The following WNK2 variants were observed in gnomAD, a reference collection of about 807,000 sequenced individuals.
The protein encoded by WNK2 is serine/threonine-protein kinase WNK2.
WNK2 carries 67 observed loss-of-function variants against 192.1 expected under a neutral mutation model. The observed-to-expected ratio is 0.35, with a 90% confidence interval of 0.29 to 0.43. WNK2 has a LOEUF of 0.43. WNK2 is among the 20% of genes least tolerant of loss of function. The pLI is 1.00. For missense variants in WNK2, 2,698 were observed against 3,089.7 expected, an observed-to-expected ratio of 0.87 and a Z score of 3.01; for synonymous variants, 1,439 against 1,393.9, an observed-to-expected ratio of 1.03 and a Z score of -0.72.
At chr9:93,309,871 C>T (rs569858565) in intron 28 of WNK2, among the ~76,000 whole-genome samples, 2 of 152,256 alleles carry the variant, frequency 1.3e-5, no homozygotes, top group African/African-American at 4.8e-5. Flanking sequence ...TAGCTGCATC[C>T]CAAAAGTATG....
At chr9:93,319,577 A>T (rs1373769886) in intron 29 of WNK2, among the ~76,000 whole-genome samples, 1 of 152,254 alleles carries the variant, frequency 6.6e-6, no homozygotes, top group Non-Finnish European at 1.5e-5. Flanking sequence ...TCAGCGAGAC[A>T]CACCTGCAGC....
intron 19 of WNK2, among the ~76,000 whole-genome samples, chr9:93,270,477 T>C (rs1845854710): frequency 6.6e-6 from 1 of 152,238 alleles, no homozygotes; most frequent in Non-Finnish European, 1.5e-5. Flanking sequence ...GTCTGAGTAC[T>C]TGGGAAAATT....
At chr9:93,237,749 T>A (rs1011459757) in intron 5 of WNK2, among the ~76,000 whole-genome samples, 1 of 152,200 alleles carries the variant, frequency 6.6e-6, no homozygotes, top group African/African-American at 2.4e-5. Flanking sequence ...TGCCTGCAGC[T>A]CCCTGTGGTT....
In WNK2 at chr9:93,293,185, G is replaced by T; in HGVS notation, c.5708+12G>T. The stretch of plus-strand genomic sequence containing the variant: ...AGTCTGCGGGAGAAGTAGGTCCTGC[G>T]GGCAGGAAGTGTTGCCCCCGCCCCT... On this transcript the variant is annotated intron_variant, in intron 23 of 29. Coordinates refer to ENST00000427277, the MANE Select transcript of WNK2 (RefSeq NM_006648.4). The T allele has an allele frequency of 1.4e-6, 2 of 1,457,320 alleles. No individual in the cohort carries two copies. Among genetic ancestry groups the T allele is most frequent in the East Asian group, 2.5e-5 (1 of 39,480 alleles). 90.3% of individuals were successfully genotyped at this position (1,457,320 alleles called of 1,614,324 possible). A position where few individuals can be genotyped will look rare whatever the true frequency, so the allele number is the denominator to read the frequency against.
rs375625672 is a variant in WNK2 at position 93,239,524 on chromosome 9, GT to G, written c.1323-221del. Reference sequence around the variant, plus strand: ...GTATCATTGAATCTTTTATGAGCATGTTTTTTTTTTTTATAATGAGGGGGAA... The same window carrying G: ...GTATCATTGAATCTTTTATGAGCATGTTTTTTTTTTTATAATGAGGGGGAA... On this transcript the variant is annotated intron_variant, in intron 6 of 29. Coordinates refer to ENST00000427277, the MANE Select transcript of WNK2 (RefSeq NM_006648.4). The surrounding 1 kb of genome is among the most constrained non-coding windows in gnomAD (Gnocchi z 4.2). 4.7e-3 allele frequency among the ~76,000 whole-genome samples: 682 copies of G among 146,454 alleles called. 3 individuals carry two copies. Among genetic ancestry groups the G allele is most frequent in the African/African-American group, 0.013 (514 of 40,224 alleles).
chr9:93,319,043 G>A, intron 29 of WNK2: 1 of 1,563,430 alleles, frequency 6.4e-7, no homozygotes. Context: ...AGAGATTTCT[G>A]TTCTCTGTAC....
At chr9:93,268,820 G>T in intron 19 of WNK2, 74 bp downstream of exon 19, 2 of 1,580,076 alleles carry the variant, frequency 1.3e-6, no homozygotes, top group Middle Eastern at 1.7e-4. Context: ...TGACCCAGCC[G>T]GTATGTGCCC....
At chr9:93,185,648 G>A (rs376649971) in intron 2 of WNK2, 38 bp downstream of exon 2, 133 of 1,582,424 alleles carry the variant, frequency 8.4e-5, no homozygotes, top group Non-Finnish European at 1.1e-4. Flanking sequence ...TTTCCGCAGG[G>A]TCTGTCCGCG....
chr9:93,253,536 G>A (rs1288242010), intron 9 of WNK2, among the ~76,000 whole-genome samples: 1 of 152,100 alleles, frequency 6.6e-6, no homozygotes, highest in Non-Finnish European at 1.5e-5. Context: ...TCACAGAAAA[G>A]CATCATTTGT....
At position 93,297,942 on chromosome 9, in the gene WNK2, A is replaced by C; in HGVS notation, c.5798A>C (p.Asn1933Thr). ...YRRLGKPLPP[N>T]VGFFHTAPPT... is the part of the protein sequence containing the mutation. The stretch of plus-strand genomic sequence containing the variant: ...CGCCTGGGCAAGCCACTGCCCCCCA[A>C]CGTGGGCTTCTTCCACACGGCACCC... Residue 1933 changes from asparagine (N) to threonine (T), a missense_variant, in exon 24 of 30, where the codon AAC (asparagine) becomes ACC (threonine). Coordinates refer to ENST00000427277, the MANE Select transcript of WNK2 (RefSeq NM_006648.4). 3 of 1,587,668 alleles carry C rather than the reference A, an allele frequency of 1.9e-6. No individual in the cohort carries two copies. The highest frequency in any genetic ancestry group is 2.6e-6 in the Non-Finnish European group (3 of 1,168,222).
Position 93,317,637 on chromosome 9 carries a change from G to A in WNK2, c.6628+6G>A, listed in dbSNP as rs2134469312. Reference sequence around the variant, plus strand: ...CCTGTCCGTGCCCACACCAGGTACTGCCCTCTCCAACCTCCCAACCCCACC... The same window carrying A: ...CCTGTCCGTGCCCACACCAGGTACTACCCTCTCCAACCTCCCAACCCCACC... On this transcript the variant is annotated splice_donor_region_variant and intron_variant, in intron 29 of 29. Coordinates refer to ENST00000427277, the MANE Select transcript of WNK2 (RefSeq NM_006648.4). 6.2e-7 allele frequency: 1 copy of A among 1,612,086 alleles called. No individual in the cohort carries two copies. Among genetic ancestry groups the A allele is most frequent in the Non-Finnish European group, 8.5e-7 (1 of 1,179,464 alleles).
At position 93,288,976 on chromosome 9, in the gene WNK2, G is replaced by C. The variant is rs781453722; in HGVS notation, c.4222G>C (p.Glu1408Gln). Residue 1408 changes from glutamate to glutamine, a missense_variant, in exon 20 of 30, where the codon GAG becomes CAG. Physicochemically the swap from Glu to Gln is conservative, Grantham distance 29. This residue lies in a region of WNK2 where 1,098 missense variants were observed against 1,101.0 expected (regional missense o/e 1.00). Coordinates refer to ENST00000427277, the MANE Select transcript of WNK2 (RefSeq NM_006648.4). ...GAAPATSTMP[E>Q]PASGTASQAG... ...AGCTCCAGCCACCAGCACCATGCCA[G>C]AGCCAGCGTCAGGAACTGCCAGCCA... is the stretch of plus-strand genomic sequence containing the variant. 2 of 1,603,506 alleles carry C rather than the reference G, an allele frequency of 1.2e-6. No individual in the cohort carries two copies. Among genetic ancestry groups the C allele is most frequent in the African/African-American group, 2.7e-5 (2 of 74,722 alleles).
intron 19 of WNK2, among the ~76,000 whole-genome samples, chr9:93,273,581 T>C (rs927727054): frequency 1.3e-5 from 2 of 152,192 alleles, no homozygotes; most frequent in Admixed American, 6.5e-5. Context: ...ACAACTGTAG[T>C]TGGAGACTCC....
intron 29 of WNK2, chr9:93,318,906 T>C: frequency 2.8e-6 from 4 of 1,405,362 alleles, no homozygotes; most frequent in Non-Finnish European, 3.7e-6. Flanking sequence ...GTGAATTGTA[T>C]AGTTTCTGTA....
rs146609818 is a variant in WNK2 at position 93,233,378 on chromosome 9, C to T, written c.1076-1430C>T. On this transcript the variant is annotated intron_variant, in intron 4 of 29. Coordinates refer to ENST00000427277, the MANE Select transcript of WNK2 (RefSeq NM_006648.4). ...TGAAATCTAAACCATATTCTTGTCCCAATTTTTATCCAAAATGTTAACTTT... is the reference window on the plus strand; with the variant it reads ...TGAAATCTAAACCATATTCTTGTCCTAATTTTTATCCAAAATGTTAACTTT... Among the ~76,000 whole-genome samples, 595 of 152,170 alleles carry T rather than the reference C, an allele frequency of 3.9e-3. 3 individuals are homozygous for T. The highest frequency in any genetic ancestry group is 0.014 in the African/African-American group (565 of 41,502).
chr9:93,246,225 G>A (rs560955783), intron 7 of WNK2, among the ~76,000 whole-genome samples: 10 of 152,216 alleles, frequency 6.6e-5, no homozygotes, highest in South Asian at 2.1e-4. Flanking sequence ...CTCCCGTGCC[G>A]TTTTGCACGT....
At chr9:93,317,309 C>T in intron 28 of WNK2, 1 of 606,250 alleles carries the variant, frequency 1.6e-6, no homozygotes, top group Non-Finnish European at 2.9e-6. Context: ...GGCTATCAGG[C>T]TGCAGCTTGG....
chr9:93,245,422 C>A (rs1841518748), intron 7 of WNK2, among the ~76,000 whole-genome samples: 1 of 152,224 alleles, frequency 6.6e-6, no homozygotes, highest in Admixed American at 6.5e-5. Context: ...TCGGGACGGG[C>A]TCAGGTGGCC....
intron 19 of WNK2, among the ~76,000 whole-genome samples, chr9:93,284,847 T>C (rs1336105391): frequency 6.6e-6 from 1 of 152,222 alleles, no homozygotes; most frequent in Non-Finnish European, 1.5e-5. Context: ...GAAAATGCCA[T>C]TGATTTCTAA....
Sources: gnomAD v4.1 joint callset for allele counts (sites outside exome capture counted in the v4.1 genomes callset) on GRCh38, gnomAD v4.1.1 for gene constraint, gnomAD v4.1.1 regional missense constraint, Gnocchi (gnomAD v3.1) non-coding constraint, MANE v1.5 for transcripts, NCBI Gene and HGNC (gene_info 2026-07-23, HGNC 2026-07-21) for gene names.